SFI1: variants seen among roughly 807,000 people sequenced by gnomAD.
The protein encoded by SFI1 is SFI1 centrin binding protein, also known as protein SFI1 homolog.
Under a neutral mutation model 207.5 loss-of-function variants are expected in SFI1, and 195 were observed. The observed-to-expected ratio is 0.94, with a 90% CI of 0.84 to 1.06. The LOEUF is 1.06. Ranked by LOEUF, SFI1 falls within the 50% of genes least tolerant of loss-of-function variation. The probability of loss-of-function intolerance (pLI) is 0.00; values close to 1 mark genes in which losing one functional copy is unlikely to be tolerated. For synonymous variants in SFI1, 630 were observed against 598.9 expected (o/e 1.05, Z -0.76); for missense variants, 1,634 against 1,588.0 (o/e 1.03, Z -0.49).
At position 31,554,262 on chromosome 22, in the gene SFI1, T is replaced by G. The variant is rs147408874; in HGVS notation, c.545-2680T>G. On this transcript the variant is annotated intron_variant, in intron 6 of 32. Coordinates refer to ENST00000400288, the MANE Select transcript of SFI1 (RefSeq NM_001007467.3). ...TCTGTAGTTTTACATATGGATCTTG[T>G]ATATCCTGCATCCTTGCTAAGTTAA... Among the ~76,000 whole-genome samples, 903 of 152,276 alleles carry G rather than the reference T, an allele frequency of 5.9e-3. 12 individuals carry two copies. The highest frequency in any genetic ancestry group is 0.021 in the African/African-American group (875 of 41,554).
chr22:31,557,721 A>G (rs1028395788), intron 7 of SFI1, among the ~76,000 whole-genome samples: 2 of 152,206 alleles, frequency 1.3e-5, no homozygotes, highest in African/African-American at 2.4e-5. Flanking sequence ...AAGATGTACA[A>G]TAAGGCTCAG....
At chr22:31,568,333 C>T (rs2062601985) in intron 8 of SFI1, among the ~76,000 whole-genome samples, 1 of 150,106 alleles carries the variant, frequency 6.7e-6, no homozygotes, top group Admixed American at 6.7e-5. Flanking sequence ...TCGAGACTAG[C>T]CTGGCCAACA....
Position 31,613,721 on chromosome 22 carries a change from G to A in SFI1, c.2862G>A (p.Thr954=), listed in dbSNP as rs200107985. The change falls in exon 27 of 33, where the codon ACG becomes ACA. Residue 954 remains threonine, a synonymous_variant. Coordinates refer to ENST00000400288, the MANE Select transcript of SFI1 (RefSeq NM_001007467.3). ...CCATCGCACCCAGCAGGAAAGTGAC[G>A]TTTGAGGGTCCCCTTCTCAACCGCA... The part of the protein sequence containing the change: ...LAAIAPSRKV[T]FEGPLLNRIA... The A allele has an allele frequency of 2.5e-5, 40 of 1,613,252 alleles. 1 individual carries two copies. The Middle Eastern group carries it at 5.0e-4, about 20-fold the overall frequency.
chr22:31,504,188 A>G (rs180997025), intron 1 of SFI1, among the ~76,000 whole-genome samples: 382 of 152,274 alleles, frequency 2.5e-3, no homozygotes, highest in Non-Finnish European at 3.6e-3. Flanking sequence ...AGGACATTCC[A>G]CAGGATCATT....
At chr22:31,550,640 C>T (rs2060537862) in intron 6 of SFI1, 2 of 307,262 alleles carry the variant, frequency 6.5e-6, no homozygotes, top group Admixed American at 4.6e-5. Context: ...CTGTGACTCT[C>T]CTGTGGCACC....
Position 31,618,263 on chromosome 22 carries a change from C to CG in SFI1, c.3624+38dup, listed in dbSNP as rs748787124. The CG allele has an allele frequency of 3.8e-6, 6 of 1,599,366 alleles. No homozygotes were observed. In the Admixed American group the frequency reaches 5.2e-5, roughly 14 times the overall value. ...GGCCATCCCCAGGTGTCCCTGGGGA[C>CG]GCCCCGGGCTGTGCTCCCTCTCAGC... On this transcript the variant is annotated intron_variant, in intron 32 of 32. Coordinates refer to ENST00000400288, the MANE Select transcript of SFI1 (RefSeq NM_001007467.3).
intron 1 of SFI1, among the ~76,000 whole-genome samples, chr22:31,504,979 G>A (rs990529177): frequency 1.3e-5 from 2 of 152,012 alleles, no homozygotes; most frequent in Non-Finnish European, 2.9e-5. Flanking sequence ...AGGTAGCAGG[G>A]GTGAGGATTT....
chr22:31,602,211 G>T lies in SFI1; in HGVS notation c.1545-1G>T, dbSNP rs1316291937. On this transcript the variant is annotated splice_acceptor_variant, in intron 15 of 32. Transcript: ENST00000400288. LOFTEE classifies it high-confidence loss of function. ...GCTTTACATTCTTCCTTGTTTTTTA[G>T]GGAGACATTAGAGAAGCAAGTATTT... 1.2e-6 allele frequency: 2 copies of T among 1,612,936 alleles called. No homozygotes were observed. The highest frequency in any genetic ancestry group is 4.5e-5 in the East Asian group (2 of 44,882).
chr22:31,592,988 A>AC (rs1429366473), intron 15 of SFI1, among the ~76,000 whole-genome samples: 14 of 77,522 alleles, frequency 1.8e-4, no homozygotes, highest in South Asian at 4.6e-4. Context: ...CGGGGGGCTG[A>AC]CCCCCCCACC....
intron 15 of SFI1, among the ~76,000 whole-genome samples, chr22:31,596,658 G>A (rs145819879): frequency 0.011 from 1,634 of 151,768 alleles, 8 homozygotes; most frequent in Middle Eastern, 0.031. Flanking sequence ...AGGCATGGTG[G>A]CGCACATCCC....
intron 2 of SFI1, among the ~76,000 whole-genome samples, chr22:31,512,355 CAAAA>C (rs1215817231): frequency 1.0e-5 from 1 of 97,548 alleles, no homozygotes; most frequent in African/African-American, 3.7e-5. Flanking sequence ...AACTCCATCT[CAAAA>C]AAAAAAAAAA....
chr22:31,602,663 G>C lies in SFI1; in HGVS notation c.1683G>C (p.Gln561His). The change falls in exon 17 of 33, where the codon CAG (glutamine) becomes CAC (histidine). Residue 561 changes from glutamine (Q) to histidine (H), a missense_variant. By Grantham distance (24) the Gln-to-His change is conservative. Coordinates refer to ENST00000400288, the MANE Select transcript of SFI1 (RefSeq NM_001007467.3). ...LLYRSWFMWH[Q>H]QAAARHQEQE... The stretch of plus-strand genomic sequence containing the variant: ...ATAGGTCTTGGTTCATGTGGCACCA[G>C]CAGGCAGCAGCACGTCACCAGGAGC... 1 of 1,614,184 alleles carries C rather than the reference G, an allele frequency of 6.2e-7. No homozygotes were observed.
At chr22:31,536,718 A>G (rs574122160) in intron 4 of SFI1, among the ~76,000 whole-genome samples, 1 of 152,150 alleles carries the variant, frequency 6.6e-6, no homozygotes, top group Non-Finnish European at 1.5e-5. Flanking sequence ...CGGCCCTAAA[A>G]TCTATTTTTT....
At chr22:31,613,080 C>T (rs969216327) in intron 24 of SFI1, 62 bp from the exon 25 acceptor site, 19 of 1,561,050 alleles carry the variant, frequency 1.2e-5, no homozygotes, top group South Asian at 1.0e-4. Flanking sequence ...GGCAGGGCCC[C>T]GTGATCACCA....
chr22:31,518,240 C>T (rs533635045), intron 2 of SFI1, among the ~76,000 whole-genome samples: 85 of 152,256 alleles, frequency 5.6e-4, no homozygotes, highest in Admixed American at 2.1e-3. Context: ...GGTGATCTGC[C>T]CGCCTTGGCC....
chr22:31,564,685 T>C (rs1040656851), intron 8 of SFI1, among the ~76,000 whole-genome samples: 8 of 151,482 alleles, frequency 5.3e-5, no homozygotes, highest in South Asian at 4.2e-4. Flanking sequence ...TTTTTTTTTT[T>C]CCCTTGTGGA....
Position 31,602,771 on chromosome 22 carries a change from A to G in SFI1, c.1791A>G (p.Gln597=), listed in dbSNP as rs1261373178. The G allele has an allele frequency of 1.2e-6, 2 of 1,613,594 alleles. No homozygotes were observed. The highest frequency in any genetic ancestry group is 1.7e-6 in the Non-Finnish European group (2 of 1,179,988). The change falls in exon 17 of 33, where the codon CAA becomes CAG. Residue 597 remains glutamine, a synonymous_variant. Coordinates refer to ENST00000400288, the MANE Select transcript of SFI1 (RefSeq NM_001007467.3). ...TCTGCCTCTGGAGGGAAAGTGCCCA[A>G]GGGCTCAGAACAGAGTGAGTGGCCA... is the stretch of plus-strand genomic sequence containing the variant. ...KAFCLWRESA[Q]GLRTERTGRV...
rs1225235276 is a variant in SFI1 at position 31,592,711 on chromosome 22, C to T, written c.1544+3134C>T. 5.0e-3 allele frequency among the ~76,000 whole-genome samples: 452 copies of T among 90,062 alleles called. 18 individuals carry two copies. The highest frequency in any genetic ancestry group is 0.023 in the African/African-American group (421 of 18,066). 59.1% of individuals were successfully genotyped at this position (90,062 alleles called of 152,430 possible). A position where few individuals can be genotyped will look rare whatever the true frequency, so the allele number is the denominator to read the frequency against. ...CCCCCCACCTCCCTCCCGGATGGGG[C>T]GGCTGGTTGGGCAGAGGGGCTCCTC... is the stretch of plus-strand genomic sequence containing the variant. On this transcript the variant is annotated intron_variant, in intron 15 of 32. Transcript: ENST00000400288.
intron 15 of SFI1, among the ~76,000 whole-genome samples, chr22:31,594,547 CA>C (rs35540639): frequency 1.8e-3 from 11 of 6,134 alleles, no homozygotes; most frequent in Non-Finnish European, 4.0e-3. Flanking sequence ...GACGCCGTCT[CA>C]AAAAAAAAAA....
Sources: gnomAD v4.1 joint callset for allele counts (sites outside exome capture counted in the v4.1 genomes callset) on GRCh38, gnomAD v4.1.1 for gene constraint, MANE v1.5 for transcripts, NCBI Gene and HGNC (gene_info 2026-07-23, HGNC 2026-07-21) for gene names.